SLCO4A1: variants seen among roughly 807,000 people sequenced by gnomAD.
SLCO4A1 encodes colon organic anion transporter.
A neutral mutation model predicts 64.6 loss-of-function variants in SLCO4A1; 51 were observed. The ratio of observed to expected loss-of-function variants is 0.79; its 90% CI spans 0.63 to 1.00. The LOEUF (loss-of-function observed/expected upper bound fraction) is 1.00. SLCO4A1 is among the 50% of genes least tolerant of loss of function. SLCO4A1 has a pLI of 0.00. For synonymous variants in SLCO4A1, 471 were observed against 444.9 expected (o/e 1.06, Z -0.74); for missense variants, 919 against 980.5 (o/e 0.94, Z 0.84).
chr20:62,667,510 C>T (rs1352769643), intron 7 of SLCO4A1: 4 of 538,102 alleles, frequency 7.4e-6, no homozygotes, highest in Admixed American at 3.3e-5. Flanking sequence ...ATCAGGCGGA[C>T]GGTGCTGGGG....
chr20:62,674,221 C>T (rs866223702), downstream of SLCO4A1, among the ~76,000 whole-genome samples: 6 of 152,286 alleles, frequency 3.9e-5, no homozygotes, highest in Admixed American at 2.0e-4. Flanking sequence ...GTTCTGGTAC[C>T]GGAGTGTGGG....
downstream of SLCO4A1, among the ~76,000 whole-genome samples, chr20:62,674,958 A>G (rs1195435382): frequency 1.3e-5 from 2 of 152,178 alleles, no homozygotes; most frequent in Non-Finnish European, 2.9e-5. Context: ...TGAGCCGCCA[A>G]GCTATGGTTC....
At position 62,671,957 on chromosome 20, in the gene SLCO4A1, G is replaced by T. The variant is rs780941369; in HGVS notation, c.*64G>T. The T allele has an allele frequency of 5.3e-5, 85 of 1,600,654 alleles. No individual in the cohort carries two copies. The highest frequency in any genetic ancestry group is 7.0e-5 in the Non-Finnish European group (83 of 1,179,776). ...CATTTCCTGATGACAGAACAGTGCC[G>T]TTGGGTGATGCAATCACACGGGAAC... is the stretch of plus-strand genomic sequence containing the variant. On this transcript the variant is annotated 3_prime_UTR_variant, in exon 12 of 12. Coordinates refer to ENST00000217159, the MANE Select transcript of SLCO4A1 (RefSeq NM_016354.4).
chr20:62,661,037 G>GCCCCCCA lies in SLCO4A1; in HGVS notation c.1010-23_1010-22insCCACCCC. The GCCCCCCA allele has an allele frequency of 1.9e-6, 1 of 539,610 alleles. No individual in the cohort carries two copies. Among genetic ancestry groups the GCCCCCCA allele is most frequent in the Non-Finnish European group, 3.6e-6 (1 of 274,960 alleles). 33.4% of individuals were successfully genotyped at this position (539,610 alleles called of 1,614,324 possible). A position where few individuals can be genotyped will look rare whatever the true frequency, so the allele number is the denominator to read the frequency against. On this transcript the variant is annotated intron_variant, in intron 4 of 11. Transcript: ENST00000217159. This position sits in a 1 kb window ranked among gnomAD's most constrained non-coding sequence, Gnocchi z 5.2. Reference sequence around the variant, plus strand: ...CACCTCCGGGAGCCCCCAGCCCCCAGCCCCAGCTCACTCTGTGCCCTTCCA... The same window carrying GCCCCCCA: ...CACCTCCGGGAGCCCCCAGCCCCCAGCCCCCCACCCCAGCTCACTCTGTGCCCTTCCA...
chr20:62,656,540 C>CCAG lies in SLCO4A1; in HGVS notation c.90_92dup (p.Ser30dup), dbSNP rs1327342870. On this transcript the variant is annotated inframe_insertion, in exon 2 of 12. Coordinates refer to ENST00000217159, the MANE Select transcript of SLCO4A1 (RefSeq NM_016354.4). ...GAAAACGGGCTTGACCACACCCCAC[C>CCAG]CAGCAGGAGGGCATCCCCGGGCACA... 6.3e-7 allele frequency: 1 copy of CCAG among 1,579,066 alleles called. No individual in the cohort carries two copies. The highest frequency in any genetic ancestry group is 1.7e-5 in the Admixed American group (1 of 58,058).
chr20:62,656,443 G>A lies in SLCO4A1; in HGVS notation c.-12G>A, dbSNP rs369178152. On this transcript the variant is annotated 5_prime_UTR_variant, in exon 2 of 12. Coordinates refer to ENST00000217159, the MANE Select transcript of SLCO4A1 (RefSeq NM_016354.4). ...GGCTGAAGCCTCGAGGTCACCAGGC[G>A]GAGGCGCGGAGATGCCCCTGCATCA... The A allele has an allele frequency of 5.3e-5, 77 of 1,461,894 alleles. No individual in the cohort carries two copies. In the African/African-American group the frequency reaches 9.3e-4, roughly 18 times the overall value. The allele number at this position is 1,461,894 out of a possible 1,614,324, so 90.6% of individuals were successfully genotyped here. A position where few individuals can be genotyped will look rare whatever the true frequency, so the allele number is the denominator to read the frequency against.
chr20:62,667,536 T>G, intron 7 of SLCO4A1: 1 of 601,680 alleles, frequency 1.7e-6, no homozygotes, highest in Non-Finnish European at 2.9e-6. Context: ...GGGTGTGCCT[T>G]CCTTGCGTGA....
chr20:62,645,823 G>C lies in SLCO4A1; in HGVS notation c.-97+3270G>C, dbSNP rs1192774991. 1.3e-5 allele frequency among the ~76,000 whole-genome samples: 2 copies of C among 152,010 alleles called. No homozygotes were observed. Among genetic ancestry groups the C allele is most frequent in the East Asian group, 3.9e-4 (2 of 5,094 alleles). Reference sequence around the variant, plus strand: ...CTGCCCACGGACCTTGCCTTTTCTTGGTGGTTTTTCTAATCTGGCAAGCCT... The same window carrying C: ...CTGCCCACGGACCTTGCCTTTTCTTCGTGGTTTTTCTAATCTGGCAAGCCT... On this transcript the variant is annotated intron_variant, in intron 1 of 11. Transcript: ENST00000217159. This position sits in a 1 kb window ranked among gnomAD's most constrained non-coding sequence, Gnocchi z 4.2.
At chr20:62,646,113 G>A (rs571188701) in intron 1 of SLCO4A1, among the ~76,000 whole-genome samples, 3 of 152,246 alleles carry the variant, frequency 2.0e-5, no homozygotes, top group Admixed American at 6.5e-5. Context: ...CAAGCTCCCC[G>A]AGGGCCCTTC....
Position 62,661,023 on chromosome 20 carries a change from G to GGGCCCCCCCCCCC in SLCO4A1, c.1010-41_1010-40insGGCCCCCCCCCCC. On this transcript the variant is annotated intron_variant, in intron 4 of 11. Coordinates refer to ENST00000217159, the MANE Select transcript of SLCO4A1 (RefSeq NM_016354.4). The surrounding 1 kb of genome is among the most constrained non-coding windows in gnomAD (Gnocchi z 5.2). Reference sequence around the variant, plus strand: ...CTCTCGGAGAAGTCCACCTCCGGGAGCCCCCAGCCCCCAGCCCCAGCTCAC... The same window carrying GGGCCCCCCCCCCC: ...CTCTCGGAGAAGTCCACCTCCGGGAGGGCCCCCCCCCCCCCCCCAGCCCCCAGCCCCAGCTCAC... 1 of 732,790 alleles carries GGGCCCCCCCCCCC rather than the reference G, an allele frequency of 1.4e-6. No homozygotes were observed. 45.4% of individuals were successfully genotyped at this position (732,790 alleles called of 1,614,324 possible). A position where few individuals can be genotyped will look rare whatever the true frequency, so the allele number is the denominator to read the frequency against.
intron 1 of SLCO4A1, among the ~76,000 whole-genome samples, chr20:62,647,729 G>A (rs1023232919): frequency 2.6e-4 from 39 of 152,382 alleles, no homozygotes; most frequent in Non-Finnish European, 8.8e-5. Context: ...TCTAGAAGTG[G>A]CACAGGCCGG....
intron 1 of SLCO4A1, chr20:62,651,949 A>C (rs1011321568): frequency 6.6e-6 from 1 of 152,142 alleles, no homozygotes; most frequent in Non-Finnish European, 1.5e-5. Flanking sequence ...GGGCTTGCCC[A>C]CCATTGAGCA....
intron 2 of SLCO4A1, among the ~76,000 whole-genome samples, chr20:62,681,491 TAC>T (rs1987824831): frequency 6.8e-6 from 1 of 147,524 alleles, no homozygotes; most frequent in South Asian, 2.3e-4. Context: ...AAGCTGTGTG[TAC>T]ACACTCATGT....
At position 62,652,390 on chromosome 20, in the gene SLCO4A1, C is replaced by T. The variant is rs75260467; in HGVS notation, c.-96-3969C>T. ...GAGCCTGGCCTGTCCTCCTCCGGGC[C>T]TCTGAGGTTGCTTTCTGTTTCGGCG... On this transcript the variant is annotated intron_variant, in intron 1 of 11. Coordinates refer to ENST00000217159, the MANE Select transcript of SLCO4A1 (RefSeq NM_016354.4). Among the ~76,000 whole-genome samples, 604 of 152,174 alleles carry T rather than the reference C, an allele frequency of 4.0e-3. 2 individuals are homozygous for T. The highest frequency in any genetic ancestry group is 0.013 in the African/African-American group (533 of 41,516).
Position 62,656,553 on chromosome 20 carries a change from A to C in SLCO4A1, c.99A>C (p.Ala33=). 1.3e-6 allele frequency: 2 copies of C among 1,582,026 alleles called. No individual in the cohort carries two copies. The highest frequency in any genetic ancestry group is 1.7e-6 in the Non-Finnish European group (2 of 1,169,224). Residue 33 remains alanine (A), a synonymous_variant, in exon 2 of 12, where the codon GCA becomes GCC. Transcript: ENST00000217159. The stretch of plus-strand genomic sequence containing the variant: ...ACCACACCCCACCCAGCAGGAGGGC[A>C]TCCCCGGGCACACCCCTGAGCCCCG... ...GLDHTPPSRR[A]SPGTPLSPGS...
At chr20:62,659,894 C>T (rs980240824) in intron 3 of SLCO4A1, among the ~76,000 whole-genome samples, 1 of 152,260 alleles carries the variant, frequency 6.6e-6, no homozygotes, top group South Asian at 2.1e-4. Flanking sequence ...TGGGCTTCTA[C>T]CACTCCACGG....
At chr20:62,688,295 C>A (rs901859072), downstream of SLCO4A1, among the ~76,000 whole-genome samples, 2 of 152,280 alleles carry the variant, frequency 1.3e-5, no homozygotes, top group African/African-American at 2.4e-5. Context: ...CGCGGCCCCC[C>A]ACGAGGCCTC....
At position 62,661,414 on chromosome 20, in the gene SLCO4A1, C is replaced by T. The variant is rs569610998; in HGVS notation, c.1121+239C>T. On this transcript the variant is annotated intron_variant, in intron 5 of 11. Coordinates refer to ENST00000217159, the MANE Select transcript of SLCO4A1 (RefSeq NM_016354.4). This position sits in a 1 kb window ranked among gnomAD's most constrained non-coding sequence, Gnocchi z 5.2. ...CCCAGAGTGGGGCCGGGGCCTCGGC[C>T]CGCACCCAGGGAGCCATCACTTCAC... Among the ~76,000 whole-genome samples, 13 of 152,170 alleles carry T rather than the reference C, an allele frequency of 8.5e-5. No homozygotes were observed. In the South Asian group the frequency reaches 2.7e-3, roughly 32 times the overall value.
rs1308021800 is a variant in SLCO4A1, at chr20:62,671,730, G to A, written c.2026-20G>A. The A allele has an allele frequency of 6.2e-7, 1 of 1,609,042 alleles. No individual in the cohort carries two copies. Among genetic ancestry groups the A allele is most frequent in the East Asian group, 2.2e-5 (1 of 44,770 alleles). ...CTGGCCGAGCTCCCCACGAGGTCCA[G>A]CGGGCTCCTCTCTCCCCAGGTGCTG... is the stretch of plus-strand genomic sequence containing the variant. On this transcript the variant is annotated intron_variant, in intron 11 of 11. Coordinates refer to ENST00000217159, the MANE Select transcript of SLCO4A1 (RefSeq NM_016354.4).
Sources: gnomAD v4.1 joint callset for allele counts (sites outside exome capture counted in the v4.1 genomes callset) on GRCh38, gnomAD v4.1.1 for gene constraint, Gnocchi (gnomAD v3.1) non-coding constraint, MANE v1.5 for transcripts, NCBI Gene and HGNC (gene_info 2026-07-23, HGNC 2026-07-21) for gene names.